The following SAMSN1 variants were observed in gnomAD, a reference collection of about 807,000 sequenced individuals.
SAMSN1 encodes the protein SAM domain, SH3 domain and nuclear localization signals 1.
In SAMSN1, 31 loss-of-function variants were observed where a neutral mutation model predicts 42.0. The observed-to-expected ratio is 0.74, with a 90% CI of 0.55 to 1.00. The LOEUF (loss-of-function observed/expected upper bound fraction) is 1.00, where lower values mean the gene tolerates loss of function less well. SAMSN1 is among the 50% of genes least tolerant of loss of function. SAMSN1 has a pLI of 0.00. For synonymous variants in SAMSN1, 178 were observed against 151.9 expected (o/e 1.17, Z -1.26); for missense variants, 464 against 439.4 (o/e 1.06, Z -0.50).
At chr21:14,632,345 G>A (rs1042535034) in intron 2 of SAMSN1, among the ~76,000 whole-genome samples, 1 of 151,756 alleles carries the variant, frequency 6.6e-6, no homozygotes, top group Non-Finnish European at 1.5e-5. Context: ...AAATTGACTA[G>A]CATTCATTTG....
chr21:14,616,190 G>A (rs1033102189), intron 2 of SAMSN1, among the ~76,000 whole-genome samples: 7 of 151,984 alleles, frequency 4.6e-5, no homozygotes, highest in African/African-American at 1.4e-4. Flanking sequence ...TTTTAGTAAT[G>A]TGTCACAGAA....
At chr21:14,545,536 CT>C (rs35984512) in intron 1 of SAMSN1, among the ~76,000 whole-genome samples, 2,998 of 137,232 alleles carry the variant, frequency 0.022, 43 homozygotes, top group African/African-American at 0.046. Flanking sequence ...CCATGTTATA[CT>C]TTTTTTTTTT....
chr21:14,627,273 T>C (rs1372461806), intron 2 of SAMSN1, among the ~76,000 whole-genome samples: 1 of 8,118 alleles, frequency 1.2e-4, no homozygotes, highest in Non-Finnish European at 2.8e-4. Flanking sequence ...ACTTAAAGTA[T>C]AATGAAAAAA....
chr21:14,516,415 C>T (rs13046425), intron 3 of SAMSN1, among the ~76,000 whole-genome samples: 43,353 of 151,738 alleles, frequency 0.29, 6,927 homozygotes, highest in Non-Finnish European at 0.35. Flanking sequence ...TTTTTTGAGA[C>T]GCCATCTTGC....
At position 14,529,415 on chromosome 21, in the gene SAMSN1, A is replaced by T. The variant is rs190426637; in HGVS notation, c.58-8194T>A. Among the ~76,000 whole-genome samples, 241 of 152,322 alleles carry T rather than the reference A, an allele frequency of 1.6e-3. 1 individual carries two copies. Among genetic ancestry groups the T allele is most frequent in the African/African-American group, 5.2e-3 (217 of 41,574 alleles). On this transcript the variant is annotated intron_variant, in intron 1 of 7. Transcript: ENST00000400566. ...TTACTCTTCAAGTTAAATGTCAAAAATCTTACATCTCACAGTTACACAAAA... is the reference window on the plus strand; with the variant it reads ...TTACTCTTCAAGTTAAATGTCAAAATTCTTACATCTCACAGTTACACAAAA...
At chr21:14,525,922 T>G (rs868765868) in intron 1 of SAMSN1, among the ~76,000 whole-genome samples, 17 of 152,206 alleles carry the variant, frequency 1.1e-4, no homozygotes, top group Middle Eastern at 3.2e-3. Context: ...TGGAGTGCAG[T>G]GGCTCCATCT....
intron 2 of SAMSN1, among the ~76,000 whole-genome samples, chr21:14,571,825 TG>T (rs1005640109): frequency 5.3e-5 from 8 of 152,178 alleles, no homozygotes; most frequent in Non-Finnish European, 7.3e-5. Context: ...CTCACAGGCA[TG>T]GGGTCAGTAG....
chr21:14,560,265 T>C (rs1980903495), intron 2 of SAMSN1, among the ~76,000 whole-genome samples: 1 of 152,110 alleles, frequency 6.6e-6, no homozygotes, highest in Admixed American at 6.6e-5. Flanking sequence ...ATTCTAGCAA[T>C]GGGCAGAGTA....
At chr21:14,582,539 T>C (rs1229824709) in intron 1 of SAMSN1, 7 of 668,272 alleles carry the variant, frequency 1.0e-5, no homozygotes, top group Admixed American at 2.9e-5. Flanking sequence ...TCTTCACATA[T>C]AGGAATTATT....
At chr21:14,519,945 G>T (rs1381376425) in intron 2 of SAMSN1, among the ~76,000 whole-genome samples, 2 of 152,068 alleles carry the variant, frequency 1.3e-5, no homozygotes, top group African/African-American at 4.8e-5. Context: ...TCAGAGAAAA[G>T]GTTGATTTCT....
At chr21:14,614,864 T>G (rs1199470245) in intron 3 of SAMSN1, among the ~76,000 whole-genome samples, 1 of 152,158 alleles carries the variant, frequency 6.6e-6, no homozygotes, top group Non-Finnish European at 1.5e-5. Flanking sequence ...TCAATTTTAT[T>G]TTAATTGCTT....
chr21:14,624,661 G>A (rs946986638), intron 2 of SAMSN1, among the ~76,000 whole-genome samples: 2 of 152,094 alleles, frequency 1.3e-5, no homozygotes, highest in Non-Finnish European at 2.9e-5. Context: ...AAAAAGTCCA[G>A]GACCAGATGG....
chr21:14,594,571 TC>T (rs1426755169), intron 6 of SAMSN1: 1 of 152,272 alleles, frequency 6.6e-6, no homozygotes, highest in Non-Finnish European at 1.5e-5. Flanking sequence ...TGGATTAATA[TC>T]TCAAGTCATA....
intron 1 of SAMSN1, among the ~76,000 whole-genome samples, chr21:14,523,064 C>T (rs1978596635): frequency 6.6e-6 from 1 of 151,902 alleles, no homozygotes; most frequent in Admixed American, 6.6e-5. Flanking sequence ...ATTTTTTTTT[C>T]TCCATCAATA....
At chr21:14,586,268 AAAAAAAAAAAG>A (rs1981913909), upstream of SAMSN1, among the ~76,000 whole-genome samples, 3 of 149,890 alleles carry the variant, frequency 2.0e-5, no homozygotes, top group South Asian at 4.2e-4. Context: ...ATCTCAAAAA[AAAAAAAAAAAG>A]AAAAAGAAAA....
intron 1 of SAMSN1, among the ~76,000 whole-genome samples, chr21:14,650,601 A>C (rs1369535882): frequency 1.3e-5 from 2 of 152,106 alleles, no homozygotes; most frequent in Non-Finnish European, 2.9e-5. Flanking sequence ...GCAAATGAAC[A>C]ACCCAACAAT....
chr21:14,556,490 T>A (rs1030759063), intron 2 of SAMSN1, among the ~76,000 whole-genome samples: 1 of 152,216 alleles, frequency 6.6e-6, no homozygotes. Flanking sequence ...TGTATGTGTA[T>A]ATGCATGCGT....
At chr21:14,550,240 C>A (rs1980554489), upstream of SAMSN1, among the ~76,000 whole-genome samples, 1 of 152,056 alleles carries the variant, frequency 6.6e-6, no homozygotes, top group African/African-American at 2.4e-5. Flanking sequence ...TATTTCCTAA[C>A]TCTCTAAAGT....
At chr21:14,622,741 C>G (rs1311328008) in intron 2 of SAMSN1, among the ~76,000 whole-genome samples, 1 of 152,080 alleles carries the variant, frequency 6.6e-6, no homozygotes, top group African/African-American at 2.4e-5. Flanking sequence ...CAAGGCAGGC[C>G]AACATTCAAA....
Sources: allele counts gnomAD v4.1 joint callset (sites outside exome capture counted in the v4.1 genomes callset), GRCh38; gene constraint gnomAD v4.1.1; transcripts MANE v1.5; gene names NCBI Gene and HGNC (gene_info 2026-07-23, HGNC 2026-07-21).